Variants in LMBR1 observed in about 807,000 individuals in gnomAD.
The protein encoded by LMBR1 is limb region 1 protein homolog.
A neutral mutation model predicts 73.9 loss-of-function variants in LMBR1; 52 were observed. That is an observed-to-expected ratio of 0.70 (90% CI 0.56 to 0.89). LMBR1 has a LOEUF of 0.89. Ranked by LOEUF, LMBR1 falls within the 40% of genes least tolerant of loss-of-function variation. LMBR1 has a pLI of 0.00. For missense variants in LMBR1, 539 were observed against 579.8 expected (o/e 0.93, Z 0.72); for synonymous variants, 215 against 209.4 (o/e 1.03, Z -0.23).
chr7:156,722,418 T>C (rs757111895), intron 15 of LMBR1, among the ~76,000 whole-genome samples: 1 of 152,174 alleles, frequency 6.6e-6, no homozygotes, highest in Non-Finnish European at 1.5e-5. Flanking sequence ...AAAGGGTTAA[T>C]AGAGGAATTA....
chr7:156,815,098 G>A (rs1833696917), intron 4 of LMBR1, among the ~76,000 whole-genome samples: 1 of 149,560 alleles, frequency 6.7e-6, no homozygotes, highest in Non-Finnish European at 1.5e-5. Flanking sequence ...AGAGGTTGTG[G>A]TGAGCCAAGA....
intron 5 of LMBR1, among the ~76,000 whole-genome samples, chr7:156,773,023 T>C (rs922240717): frequency 6.6e-6 from 1 of 151,942 alleles, no homozygotes; most frequent in African/African-American, 2.4e-5. Context: ...TTTCAGGATA[T>C]AAAATCCATG....
intron 15 of LMBR1, among the ~76,000 whole-genome samples, chr7:156,703,585 A>G (rs1810267806): frequency 6.6e-6 from 1 of 152,172 alleles, no homozygotes; most frequent in Admixed American, 6.5e-5. Context: ...GCTGGCCACA[A>G]CTGTGGCTGC....
intron 1 of LMBR1, among the ~76,000 whole-genome samples, chr7:156,891,211 AATATAT>A (rs1162520790): frequency 0.043 from 3,527 of 81,308 alleles, 152 homozygotes; most frequent in Middle Eastern, 0.056. Flanking sequence ...AAAAAAAAAA[AATATAT>A]ATATATATAT....
intron 1 of LMBR1, among the ~76,000 whole-genome samples, chr7:156,862,882 G>C (rs141342369): frequency 5.4e-4 from 82 of 152,240 alleles, no homozygotes; most frequent in African/African-American, 1.8e-3. Flanking sequence ...AGCTCTTCCG[G>C]GGCCTTGAGA....
chr7:156,819,138 A>G, intron 4 of LMBR1, among the ~76,000 whole-genome samples: 1 of 152,262 alleles, frequency 6.6e-6, no homozygotes, highest in East Asian at 1.9e-4. Context: ...CATCTTGCTT[A>G]CATGACACAG....
chr7:156,878,506 G>T (rs1800565407), intron 1 of LMBR1, among the ~76,000 whole-genome samples: 1 of 152,078 alleles, frequency 6.6e-6, no homozygotes, highest in African/African-American at 2.4e-5. Flanking sequence ...AACCAAGAAG[G>T]TAAAAGGCCT....
chr7:156,726,120 T>C (rs1815699002), intron 12 of LMBR1: 1 of 270,324 alleles, frequency 3.7e-6, no homozygotes, highest in Non-Finnish European at 6.9e-6. Flanking sequence ...TGTTATAAAA[T>C]GGGGCAACTT....
intron 15 of LMBR1, among the ~76,000 whole-genome samples, chr7:156,712,168 C>A (rs1480427767): frequency 6.6e-6 from 1 of 151,978 alleles, no homozygotes; most frequent in African/African-American, 2.4e-5. Flanking sequence ...AAAATGACTT[C>A]ATTAAAAAGT....
chr7:156,725,775 G>C lies in LMBR1; in HGVS notation c.1056C>G (p.Ile352Met). The C allele has an allele frequency of 1.2e-6, 2 of 1,613,340 alleles. No individual in the cohort carries two copies. The highest frequency in any genetic ancestry group is 1.7e-6 in the Non-Finnish European group (2 of 1,179,614). ...TFGFVGAALE[I>M]ILIFYLMVSS... Reference sequence around the variant, plus strand: ...TAAAGAAAGGATACAAAATCAAAATGATTTCAAGCGCAGCTCCCACAAAAC... The same window carrying C: ...TAAAGAAAGGATACAAAATCAAAATCATTTCAAGCGCAGCTCCCACAAAAC... Residue 352 changes from isoleucine (I) to methionine (M), a missense_variant, in exon 13 of 17, where the codon ATC becomes ATG. Ile to Met is a conservative substitution (Grantham distance 10, BLOSUM62 1). This residue lies in a region of LMBR1 where 454 missense variants were observed against 473.4 expected (regional missense o/e 0.96). Transcript: ENST00000353442.
chr7:156,719,310 C>T (rs1407718053), intron 15 of LMBR1, among the ~76,000 whole-genome samples: 1 of 152,062 alleles, frequency 6.6e-6, no homozygotes, highest in African/African-American at 2.4e-5. Context: ...AGGACATGAA[C>T]TCATCATTTC....
chr7:156,773,310 C>T (rs931812526), intron 5 of LMBR1, among the ~76,000 whole-genome samples: 8 of 152,032 alleles, frequency 5.3e-5, no homozygotes, highest in South Asian at 4.1e-4. Flanking sequence ...TATCAAACTA[C>T]CAATGACATT....
chr7:156,811,781 C>T (rs1833139849), intron 4 of LMBR1, among the ~76,000 whole-genome samples: 2 of 152,066 alleles, frequency 1.3e-5, no homozygotes, highest in South Asian at 4.1e-4. Context: ...CACCACAAAC[C>T]GAATGGCTTC....
At chr7:156,711,819 C>T (rs1213742507) in intron 15 of LMBR1, among the ~76,000 whole-genome samples, 2 of 152,038 alleles carry the variant, frequency 1.3e-5, no homozygotes, top group African/African-American at 2.4e-5. Flanking sequence ...AGAAACTGGA[C>T]CCCTATCTCT....
chr7:156,823,496 C>CA, intron 4 of LMBR1: 1 of 152,240 alleles, frequency 6.6e-6, no homozygotes, highest in East Asian at 1.9e-4. Flanking sequence ...TGCTCAACAA[C>CA]AGTTTACTGG....
chr7:156,892,834 A>AGGTGAGG (rs2134688792), intron 1 of LMBR1, 94 bp downstream of exon 1: 2 of 731,334 alleles, frequency 2.7e-6, no homozygotes, highest in Non-Finnish European at 3.5e-6. Flanking sequence ...CGAGGCCCGG[A>AGGTGAGG]GGTGAGGGGT....
chr7:156,876,593 TA>T (rs2134397588), intron 1 of LMBR1, among the ~76,000 whole-genome samples: 1 of 152,254 alleles, frequency 6.6e-6, no homozygotes, highest in South Asian at 2.1e-4. Context: ...TTAATAAATT[TA>T]AGAAAATTGA....
At chr7:156,800,667 A>G (rs1323237191) in intron 4 of LMBR1, among the ~76,000 whole-genome samples, 1 of 152,132 alleles carries the variant, frequency 6.6e-6, no homozygotes, top group Non-Finnish European at 1.5e-5. Context: ...ATTATTTAAG[A>G]TACATTCTGT....
intron 15 of LMBR1, among the ~76,000 whole-genome samples, chr7:156,709,982 G>A (rs1340732033): frequency 1.5e-5 from 2 of 135,156 alleles, no homozygotes; most frequent in Non-Finnish European, 3.0e-5. Context: ...TTGGCTCACT[G>A]CAAGCTCCAC....
Sources: gnomAD v4.1 joint callset for allele counts (sites outside exome capture counted in the v4.1 genomes callset) on GRCh38, gnomAD v4.1.1 for gene constraint, gnomAD v4.1.1 regional missense constraint, MANE v1.5 for transcripts, NCBI Gene and HGNC (gene_info 2026-07-23, HGNC 2026-07-21) for gene names.